DDR2: variants seen among roughly 807,000 people sequenced by gnomAD.
The protein encoded by DDR2 is discoidin domain receptor tyrosine kinase 2.
A neutral mutation model predicts 94.9 loss-of-function variants in DDR2; 27 were observed. That is an observed-to-expected ratio of 0.28 (90% CI 0.21 to 0.39). The LOEUF (loss-of-function observed/expected upper bound fraction) is 0.39, where lower values mean the gene tolerates loss of function less well. Ranked by LOEUF, DDR2 falls within the 10% of genes least tolerant of loss-of-function variation. The pLI is 1.00. For missense variants in DDR2, 783 were observed against 1,076.0 expected (o/e 0.73, Z 3.81); for synonymous variants, 382 against 377.2 (o/e 1.01, Z -0.15).
chr1:162,691,045 G>A lies in DDR2; in HGVS notation c.-27-27992G>A, dbSNP rs1225866055. Among the ~76,000 whole-genome samples the A allele has an allele frequency of 2.6e-5, 4 of 152,202 alleles. No individual in the cohort carries two copies. In the South Asian group the frequency reaches 6.2e-4, roughly 24 times the overall value. ...CCCCCAGGGTATAGTCGTGAGTCAC[G>A]AGCTCTCTCACCAACTGACATTTCC... On this transcript the variant is annotated intron_variant, in intron 2 of 17. Coordinates refer to ENST00000367921, the MANE Select transcript of DDR2 (RefSeq NM_006182.4).
At chr1:162,753,271 AG>A (rs773318874) in intron 4 of DDR2, 74 bp downstream of exon 4, 14 of 1,382,022 alleles carry the variant, frequency 1.0e-5, no homozygotes, top group Non-Finnish European at 1.4e-5. Context: ...TCCTGACCCT[AG>A]GGGCTGGGGA....
chr1:162,739,725 T>C (rs1275812199), intron 3 of DDR2, among the ~76,000 whole-genome samples: 4 of 152,152 alleles, frequency 2.6e-5, no homozygotes, highest in Non-Finnish European at 5.9e-5. Context: ...AAAAGATACA[T>C]GGGAAAAGGT....
intron 2 of DDR2, among the ~76,000 whole-genome samples, chr1:162,686,374 C>G (rs576498305): frequency 2.0e-5 from 3 of 152,110 alleles, no homozygotes; most frequent in South Asian, 2.1e-4. Flanking sequence ...CCTTGCCCCC[C>G]ACCCCGTGAC....
chr1:162,770,402 A>G lies in DDR2; in HGVS notation c.1394A>G (p.Gln465Arg), dbSNP rs752602894. The G allele has an allele frequency of 1.2e-5, 19 of 1,614,132 alleles. No homozygotes were observed. The South Asian group carries it at 2.1e-4, about 18-fold the overall frequency. ...AACCGCTCCTCATCACCTAGTGAAC[A>G]AGGGTCCAACTCGACTTACGATCGC... Reference protein sequence around the residue: ...NNNRSSSPSEQGSNSTYDRIF... With the variant: ...NNNRSSSPSERGSNSTYDRIF... Residue 465 changes from glutamine to arginine, a missense_variant, in exon 12 of 18, where the codon CAA (glutamine) becomes CGA (arginine). Physicochemically the swap from Gln to Arg is conservative, Grantham distance 43 (BLOSUM62 1). Transcript: ENST00000367921.
At chr1:162,752,820 G>T (rs1663278527) in intron 3 of DDR2, among the ~76,000 whole-genome samples, 1 of 151,970 alleles carries the variant, frequency 6.6e-6, no homozygotes, top group Admixed American at 6.6e-5. Context: ...GCATAAATTG[G>T]CACATTACAT....
At chr1:162,706,165 C>T (rs796819623) in intron 2 of DDR2, among the ~76,000 whole-genome samples, 11 of 152,280 alleles carry the variant, frequency 7.2e-5, no homozygotes, top group African/African-American at 2.6e-4. Context: ...CTTTTCAACT[C>T]CTGGCAGTGA....
At chr1:162,676,559 A>T (rs1461854167) in intron 2 of DDR2, among the ~76,000 whole-genome samples, 1 of 152,220 alleles carries the variant, frequency 6.6e-6, no homozygotes, top group African/African-American at 2.4e-5. Context: ...TTTATAGCTT[A>T]TTAAGCTCAA....
intron 2 of DDR2, among the ~76,000 whole-genome samples, chr1:162,708,181 A>G (rs1432640297): frequency 6.6e-6 from 1 of 152,192 alleles, no homozygotes; most frequent in African/African-American, 2.4e-5. Context: ...AAAAGGGCAG[A>G]CAGACCCTGC....
chr1:162,755,207 C>G lies in DDR2; in HGVS notation c.469C>G (p.Pro157Ala). The G allele has an allele frequency of 1.9e-6, 3 of 1,614,092 alleles. No homozygotes were observed. The highest frequency in any genetic ancestry group is 2.5e-6 in the Non-Finnish European group (3 of 1,180,008). ...PYDIFLKDLEPPIVARFVRFI... is the reference protein window; with the variant it reads ...PYDIFLKDLEAPIVARFVRFI... ...TGACATTTTCCTAAAGGACTTGGAG[C>G]CGCCCATTGTAGCCAGATTTGTCCG... Residue 157 changes from proline (P) to alanine (A), a missense_variant, in exon 6 of 18, where the codon CCG (proline) becomes GCG (alanine). Coordinates refer to ENST00000367921, the MANE Select transcript of DDR2 (RefSeq NM_006182.4).
chr1:162,661,880 G>A (rs533709281), intron 2 of DDR2, among the ~76,000 whole-genome samples: 1 of 152,336 alleles, frequency 6.6e-6, no homozygotes, highest in South Asian at 2.1e-4. Context: ...TGTAGCTCCA[G>A]AAGCTTTATT....
chr1:162,696,292 G>A (rs73022596), intron 2 of DDR2, among the ~76,000 whole-genome samples: 7,871 of 151,052 alleles, frequency 0.052, 325 homozygotes, highest in East Asian at 0.19. Flanking sequence ...TAAATTGTGA[G>A]TGTGGTGAGT....
intron 3 of DDR2, among the ~76,000 whole-genome samples, chr1:162,746,939 G>C (rs1046542174): frequency 4.6e-5 from 7 of 152,166 alleles, no homozygotes; most frequent in Admixed American, 4.6e-4. Context: ...CTGTTAGAAG[G>C]AAAACTAACA....
chr1:162,653,582 C>A (rs1297028179), intron 1 of DDR2, among the ~76,000 whole-genome samples: 2 of 145,884 alleles, frequency 1.4e-5, no homozygotes, highest in Non-Finnish European at 3.0e-5. Flanking sequence ...GACTCTGTCT[C>A]AAAAAAAAAA....
At chr1:162,680,817 C>A (rs944113318) in intron 2 of DDR2, among the ~76,000 whole-genome samples, 8 of 152,196 alleles carry the variant, frequency 5.3e-5, no homozygotes, top group African/African-American at 1.9e-4. Flanking sequence ...CAGCTGAACA[C>A]ATTCCAGTCT....
intron 2 of DDR2, among the ~76,000 whole-genome samples, chr1:162,692,450 G>GGA (rs147874746): frequency 0.043 from 6,578 of 152,194 alleles, 477 homozygotes; most frequent in African/African-American, 0.15. Flanking sequence ...GGACATGTAA[G>GGA]GACCTCTCAC....
At chr1:162,674,482 A>G (rs1659033538) in intron 2 of DDR2, among the ~76,000 whole-genome samples, 1 of 152,256 alleles carries the variant, frequency 6.6e-6, no homozygotes, top group African/African-American at 2.4e-5. Context: ...TAATGAATTA[A>G]TGAATGAATA....
chr1:162,674,502 C>G (rs1659035495), intron 2 of DDR2, among the ~76,000 whole-genome samples: 1 of 152,174 alleles, frequency 6.6e-6, no homozygotes, highest in African/African-American at 2.4e-5. Context: ...AACAGAAACT[C>G]TACCTCCTAG....
chr1:162,746,750 G>A (rs1662889667), intron 3 of DDR2, among the ~76,000 whole-genome samples: 1 of 152,160 alleles, frequency 6.6e-6, no homozygotes, highest in Non-Finnish European at 1.5e-5. Flanking sequence ...CATACAGCTG[G>A]GTGCCCCTCT....
At chr1:162,695,780 G>A (rs57885558) in intron 2 of DDR2, among the ~76,000 whole-genome samples, 8,065 of 152,174 alleles carry the variant, frequency 0.053, 341 homozygotes, top group East Asian at 0.19. Flanking sequence ...TATATGCCAG[G>A]CACTATAAAA....
Sources: gnomAD v4.1 joint callset for allele counts (sites outside exome capture counted in the v4.1 genomes callset) on GRCh38, gnomAD v4.1.1 for gene constraint, MANE v1.5 for transcripts, NCBI Gene and HGNC (gene_info 2026-07-23, HGNC 2026-07-21) for gene names.